The following PCTP variants were observed in gnomAD, a reference collection of about 807,000 sequenced individuals.
PCTP encodes the protein phosphatidylcholine transfer protein, also known as START domain-containing protein 2.
Under a neutral mutation model 31.0 loss-of-function variants are expected in PCTP, and 27 were observed. The observed-to-expected ratio is 0.87, with a 90% confidence interval of 0.64 to 1.20. The LOEUF is 1.20. Ranked by LOEUF, PCTP falls within the 50% of genes most tolerant of loss-of-function variation. The probability of loss-of-function intolerance (pLI) is 0.00; values close to 1 mark genes in which losing one functional copy is unlikely to be tolerated. For missense variants in PCTP, 287 were observed against 268.2 expected (o/e 1.07, Z -0.49); for synonymous variants, 108 against 101.2 (o/e 1.07, Z -0.40).
chr17:55,830,940 G>A (rs1406007849), intron 5 of PCTP, among the ~76,000 whole-genome samples: 2 of 152,164 alleles, frequency 1.3e-5, no homozygotes, highest in South Asian at 2.1e-4. Context: ...AAAACATGAG[G>A]TCAAAACTGA....
At chr17:55,770,970 C>A in intron 2 of PCTP, 136 bp from the exon 3 acceptor site, 1 of 644,396 alleles carries the variant, frequency 1.6e-6, no homozygotes, top group East Asian at 2.7e-5. Flanking sequence ...TGGACTTGAG[C>A]AATTGACTCA....
chr17:55,842,770 C>T (rs1036185454), exon 6 of PCTP: 6 of 152,172 alleles, frequency 3.9e-5, no homozygotes, highest in African/African-American at 1.2e-4. Flanking sequence ...CAAATGAAAA[C>T]CAGAAAAATG....
chr17:55,789,275 A>G (rs1326563230), intron 3 of PCTP, among the ~76,000 whole-genome samples: 1 of 152,152 alleles, frequency 6.6e-6, no homozygotes, highest in African/African-American at 2.4e-5. Context: ...GAAAAATAAA[A>G]TTCTCAGAAA....
At chr17:55,843,376 G>A (rs1004635569), downstream of PCTP, among the ~76,000 whole-genome samples, 1 of 152,154 alleles carries the variant, frequency 6.6e-6, no homozygotes, top group African/African-American at 2.4e-5. Flanking sequence ...GCACTAGGAA[G>A]TCTTTTTGAT....
chr17:55,818,238 G>GGGTA (rs2145058265), intron 3 of PCTP, among the ~76,000 whole-genome samples: 1 of 152,022 alleles, frequency 6.6e-6, no homozygotes, highest in Non-Finnish European at 1.5e-5. Context: ...TGTCTTGGGT[G>GGGTA]GGTAGGCATG....
intron 4 of PCTP, 46 bp from the exon 5 acceptor site, chr17:55,774,746 C>T (rs79563879): frequency 0.02 from 29,642 of 1,452,014 alleles, 409 homozygotes; most frequent in Non-Finnish European, 0.024. Flanking sequence ...CTATATTTTT[C>T]TGGTATTTTT....
downstream of PCTP, among the ~76,000 whole-genome samples, chr17:55,778,844 A>G (rs1911459158): frequency 6.6e-6 from 1 of 152,196 alleles, no homozygotes; most frequent in South Asian, 2.1e-4. Flanking sequence ...CCACAGGCAA[A>G]TTATTCACAC....
At chr17:55,779,883 A>T (rs1188576021), downstream of PCTP, among the ~76,000 whole-genome samples, 1 of 152,104 alleles carries the variant, frequency 6.6e-6, no homozygotes, top group Non-Finnish European at 1.5e-5. Context: ...GAGGGAGGGG[A>T]CCACCCATGC....
chr17:55,841,046 A>AACAAGGTGGGGACTACTGTAATTGAT (rs1374806414), intron 5 of PCTP, among the ~76,000 whole-genome samples: 1 of 152,198 alleles, frequency 6.6e-6, no homozygotes, highest in Non-Finnish European at 1.5e-5. Flanking sequence ...ATCTTCCACG[A>AACAAGGTGGGGACTACTGTAATTGAT]ACAAGGTGGG....
chr17:55,788,182 G>T (rs965881174), intron 3 of PCTP, among the ~76,000 whole-genome samples: 1 of 152,118 alleles, frequency 6.6e-6, no homozygotes, highest in African/African-American at 2.4e-5. Flanking sequence ...CAAAATGAAG[G>T]ACTTCACACT....
At chr17:55,825,732 C>T (rs999758248), downstream of PCTP, among the ~76,000 whole-genome samples, 7 of 152,196 alleles carry the variant, frequency 4.6e-5, no homozygotes, top group African/African-American at 9.7e-5. Context: ...GGATCCTTAA[C>T]GCATATTTAA....
In PCTP at chr17:55,831,683, T is replaced by A. The variant is rs187555393; in HGVS notation, n.505+8756T>A. ...CTCAATATCTGTTCCAACGTCAAGTTTACTACCTAAACCCTGTATTTCCCA... is the reference window on the plus strand; with the variant it reads ...CTCAATATCTGTTCCAACGTCAAGTATACTACCTAAACCCTGTATTTCCCA... On this transcript the variant is annotated intron_variant and non_coding_transcript_variant, in intron 5 of 5. Transcript: ENST00000576221. Among the ~76,000 whole-genome samples the A allele has an allele frequency of 2.2e-4, 33 of 152,260 alleles. 1 individual carries two copies. The highest frequency in any genetic ancestry group is 1.8e-3 in the Admixed American group (27 of 15,284).
intron 3 of PCTP, among the ~76,000 whole-genome samples, chr17:55,772,301 G>C (rs534874514): frequency 3.9e-5 from 6 of 152,254 alleles, no homozygotes; most frequent in African/African-American, 1.4e-4. Context: ...AGACACTGAG[G>C]TGGGACTGAA....
At chr17:55,806,494 A>G (rs1912586615) in intron 3 of PCTP, among the ~76,000 whole-genome samples, 1 of 152,154 alleles carries the variant, frequency 6.6e-6, no homozygotes, top group African/African-American at 2.4e-5. Context: ...TAGCCAGAAA[A>G]TTACCACTGA....
Position 55,841,044 on chromosome 17 carries a change from C to T in PCTP, n.506-1683C>T, listed in dbSNP as rs531232591. 5.3e-5 allele frequency among the ~76,000 whole-genome samples: 8 copies of T among 152,250 alleles called. No individual in the cohort carries two copies. The South Asian group carries it at 1.5e-3, about 28-fold the overall frequency. On this transcript the variant is annotated intron_variant and non_coding_transcript_variant, in intron 5 of 5. Transcript: ENST00000576221. ...GGGGGTCCGTGAAACATATCTTCCA[C>T]GAACAAGGTGGGGACTACTGTAATT...
chr17:55,847,410 G>A (rs957700358), downstream of PCTP, among the ~76,000 whole-genome samples: 4 of 152,164 alleles, frequency 2.6e-5, no homozygotes, highest in Admixed American at 6.5e-5. Flanking sequence ...TCAGGGGGGC[G>A]TTTCCCCTAT....
chr17:55,812,633 C>T (rs1403755450), intron 3 of PCTP, among the ~76,000 whole-genome samples: 2 of 152,182 alleles, frequency 1.3e-5, no homozygotes, highest in East Asian at 3.8e-4. Flanking sequence ...CCATTTTCAA[C>T]GTTAACCTCC....
At chr17:55,827,101 T>G (rs1021791641), downstream of PCTP, among the ~76,000 whole-genome samples, 9 of 152,116 alleles carry the variant, frequency 5.9e-5, no homozygotes, top group African/African-American at 2.2e-4. Context: ...CGTTGCAATT[T>G]GACTTTGCAC....
At chr17:55,782,003 C>T (rs907886730), downstream of PCTP, among the ~76,000 whole-genome samples, 1 of 152,172 alleles carries the variant, frequency 6.6e-6, no homozygotes, top group Non-Finnish European at 1.5e-5. Context: ...CCAAAACCTT[C>T]AGTTGGCAAG....
Sources: allele counts gnomAD v4.1 joint callset (sites outside exome capture counted in the v4.1 genomes callset), GRCh38; gene constraint gnomAD v4.1.1; transcripts MANE v1.5; gene names NCBI Gene and HGNC (gene_info 2026-07-23, HGNC 2026-07-21).